The following ZNF700 variants were observed in gnomAD, a reference collection of about 807,000 sequenced individuals.
ZNF700 encodes the protein zinc finger protein 700.
Under a neutral mutation model 65.3 loss-of-function variants are expected in ZNF700, and 38 were observed. That is an observed-to-expected ratio of 0.58 (90% confidence interval 0.45 to 0.76). The LOEUF (loss-of-function observed/expected upper bound fraction) is 0.76, where lower values mean the gene tolerates loss of function less well. ZNF700 is among the 30% of genes least tolerant of loss of function. ZNF700 has a pLI of 0.00. For missense variants in ZNF700, 857 were observed against 888.4 expected (o/e 0.96, Z 0.45); for synonymous variants, 285 against 290.4 (o/e 0.98, Z 0.19).
rs1376876808 is a variant in ZNF700 at position 11,948,916 on chromosome 19, A to G, written c.892A>G (p.Arg298Gly). Residue 298 changes from arginine to glycine, a missense_variant, in exon 4 of 4, where the codon AGA becomes GGA. Arg to Gly is a moderately radical substitution (Grantham distance 125). This residue lies in a region of ZNF700 where 603 missense variants were observed against 619.9 expected (regional missense o/e 0.97). Coordinates refer to ENST00000254321, the MANE Select transcript of ZNF700 (RefSeq NM_144566.3). ...TTCTAGTTCCTATCATAGACATGAAAGAAGTCACATGGGAGAGAAGCCTTA... is the reference window on the plus strand; with the variant it reads ...TTCTAGTTCCTATCATAGACATGAAGGAAGTCACATGGGAGAGAAGCCTTA... Reference protein sequence around the residue: ...HSSSSYHRHERSHMGEKPYQC... With the variant: ...HSSSSYHRHEGSHMGEKPYQC... The G allele has an allele frequency of 8.7e-6, 14 of 1,606,868 alleles. No individual in the cohort carries two copies. In the East Asian group the frequency reaches 2.9e-4, roughly 33 times the overall value.
intron 1 of ZNF700, among the ~76,000 whole-genome samples, chr19:11,934,294 T>G (rs1298303865): frequency 6.8e-6 from 1 of 147,888 alleles, no homozygotes; most frequent in Non-Finnish European, 1.5e-5. Context: ...TTCAGTTCAT[T>G]TGGGTCAATA....
chr19:11,931,695 C>T (rs1278519506), intron 1 of ZNF700, among the ~76,000 whole-genome samples: 1 of 147,848 alleles, frequency 6.8e-6, no homozygotes, highest in Non-Finnish European at 1.5e-5. Context: ...TACTTAATCT[C>T]CTTTTAAGGA....
Position 11,929,698 on chromosome 19 carries a change from G to A in ZNF700, c.63+4425G>A, listed in dbSNP as rs567309355. 1.2e-4 allele frequency among the ~76,000 whole-genome samples: 18 copies of A among 147,906 alleles called. 3 individuals carry two copies. Among genetic ancestry groups the A allele is most frequent in the African/African-American group, 4.8e-4 (18 of 37,696 alleles). On this transcript the variant is annotated intron_variant, in intron 1 of 3. Transcript: ENST00000254321. ...TTTTCCACACTTTCCAGGGCAACTGGTTCCCCCTTATATTTTCCAAATATA... is the reference window on the plus strand; with the variant it reads ...TTTTCCACACTTTCCAGGGCAACTGATTCCCCCTTATATTTTCCAAATATA...
At position 11,940,492 on chromosome 19, in the gene ZNF700, G is replaced by A. The variant is rs540533913; in HGVS notation, c.64-6689G>A. On this transcript the variant is annotated intron_variant, in intron 1 of 3. Coordinates refer to ENST00000254321, the MANE Select transcript of ZNF700 (RefSeq NM_144566.3). ...GAGTGTTAACAGCTCTTAAGGCAGC[G>A]CGTCTGGAGTTCTTCGTTCCTCCTG... 9.9e-5 allele frequency among the ~76,000 whole-genome samples: 15 copies of A among 152,216 alleles called. No individual in the cohort carries two copies. In the South Asian group the frequency reaches 2.7e-3, roughly 27 times the overall value.
At chr19:11,946,550 T>C (rs901577644) in intron 1 of ZNF700, among the ~76,000 whole-genome samples, 1 of 151,954 alleles carries the variant, frequency 6.6e-6, no homozygotes, top group Non-Finnish European at 1.5e-5. Context: ...TGTAACTAAG[T>C]GTCTGTGTAC....
intron 1 of ZNF700, among the ~76,000 whole-genome samples, chr19:11,941,663 C>T (rs1194726664): frequency 2.6e-5 from 4 of 152,318 alleles, no homozygotes; most frequent in Middle Eastern, 3.4e-3. Flanking sequence ...CCCCAGTTCC[C>T]GCTCGCGCCT....
At chr19:11,928,829 C>T (rs543224436) in intron 1 of ZNF700, among the ~76,000 whole-genome samples, 1 of 147,410 alleles carries the variant, frequency 6.8e-6, no homozygotes, top group South Asian at 2.1e-4. Flanking sequence ...CCTGTAACCC[C>T]AGCACTGTGG....
Position 11,925,250 on chromosome 19 carries a change from G to A in ZNF700, c.40G>A (p.Gly14Ser), listed in dbSNP as rs746459603. 5.0e-6 allele frequency: 8 copies of A among 1,612,874 alleles called. No individual in the cohort carries two copies. Among genetic ancestry groups the A allele is most frequent in the Non-Finnish European group, 6.8e-6 (8 of 1,179,314 alleles). ...TCACAGGAGCTGTAGAGAGGACCCC[G>A]GTACATCTGAAAGCCGGGAAATGGT... ...CSHRSCREDPGTSESREMDPV... is the reference protein window; with the variant it reads ...CSHRSCREDPSTSESREMDPV... Residue 14 changes from glycine to serine, a missense_variant, in exon 1 of 4, where the codon GGT becomes AGT. By Grantham distance (56) the Gly-to-Ser change is moderately conservative (BLOSUM62 0). Transcript: ENST00000254321.
intron 1 of ZNF700, among the ~76,000 whole-genome samples, chr19:11,927,808 G>A (rs954519998): frequency 3.9e-5 from 6 of 152,140 alleles, no homozygotes; most frequent in African/African-American, 1.4e-4. Flanking sequence ...TTTTCTTCAT[G>A]GGAAACATTT....
In ZNF700 at chr19:11,949,027, G is replaced by C; in HGVS notation, c.1003G>C (p.Glu335Gln). Reference protein sequence around the residue: ...ERTHSGKKPYECKQYGEGLSY... With the variant: ...ERTHSGKKPYQCKQYGEGLSY... Reference sequence around the variant, plus strand: ...GACCCACTCTGGGAAAAAACCGTATGAATGTAAGCAATATGGGGAAGGCTT... The same window carrying C: ...GACCCACTCTGGGAAAAAACCGTATCAATGTAAGCAATATGGGGAAGGCTT... Residue 335 changes from glutamate (E) to glutamine (Q), a missense_variant, in exon 4 of 4, where the codon GAA becomes CAA. Around this residue, in one of 3 missense-constraint regions of ZNF700, gnomAD observed 603 missense variants for 619.9 expected, o/e 0.97. Transcript: ENST00000254321. The C allele has an allele frequency of 1.9e-6, 3 of 1,607,012 alleles. No individual in the cohort carries two copies. Among genetic ancestry groups the C allele is most frequent in the Non-Finnish European group, 2.5e-6 (3 of 1,178,578 alleles).
In ZNF700 at chr19:11,949,648, G is replaced by A. The variant is rs775463827; in HGVS notation, c.1624G>A (p.Gly542Ser). Residue 542 changes from glycine (G) to serine (S), a missense_variant, in exon 4 of 4, where the codon GGT (glycine) becomes AGT (serine). Physicochemically the swap from Gly to Ser is moderately conservative, Grantham distance 56 (BLOSUM62 0). This residue lies in a region of ZNF700 where 251 missense variants were observed against 250.3 expected (regional missense o/e 1.00). Coordinates refer to ENST00000254321, the MANE Select transcript of ZNF700 (RefSeq NM_144566.3). Reference sequence around the variant, plus strand: ...GAAACCCTATGAATGCAACCAATGTGGTAAAGCCTTCAGATGTTGCAATTC... The same window carrying A: ...GAAACCCTATGAATGCAACCAATGTAGTAAAGCCTTCAGATGTTGCAATTC... ...GEKPYECNQC[G>S]KAFRCCNSLR... 5.6e-6 allele frequency: 9 copies of A among 1,613,688 alleles called. No individual in the cohort carries two copies. In the Admixed American group the frequency reaches 1.2e-4, roughly 21 times the overall value.
chr19:11,925,977 G>A (rs1192547785), intron 1 of ZNF700, among the ~76,000 whole-genome samples: 4 of 152,176 alleles, frequency 2.6e-5, no homozygotes, highest in Admixed American at 2.0e-4. Context: ...GGCAGAAAGG[G>A]TGGGACCTGT....
intron 1 of ZNF700, among the ~76,000 whole-genome samples, chr19:11,937,066 T>C (rs1256665888): frequency 1.3e-5 from 2 of 152,220 alleles, no homozygotes; most frequent in Non-Finnish European, 2.9e-5. Flanking sequence ...TTGGTCCCAG[T>C]ACTGACAGTT....
At position 11,950,500 on chromosome 19, in the gene ZNF700, A is replaced by G. The variant is rs1197177264; in HGVS notation, c.*247A>G. 9.2e-6 allele frequency: 6 copies of G among 652,378 alleles called. No homozygotes were observed. The highest frequency in any genetic ancestry group is 1.8e-5 in the African/African-American group (1 of 55,254). 40.4% of individuals were successfully genotyped at this position (652,378 alleles called of 1,614,324 possible). ...GTGTATTCTAGTTCCGTTTGATATC[A>G]TGAAAGGACTTACACTGGAGTGAAA... is the stretch of plus-strand genomic sequence containing the variant. On this transcript the variant is annotated 3_prime_UTR_variant, in exon 4 of 4. Transcript: ENST00000254321.
At chr19:11,940,334 G>T (rs1027735866) in intron 1 of ZNF700, among the ~76,000 whole-genome samples, 2 of 152,200 alleles carry the variant, frequency 1.3e-5, no homozygotes, top group Non-Finnish European at 2.9e-5. Context: ...GACCCTTGCG[G>T]TGAGTGTTAC....
chr19:11,950,528 C>T lies in ZNF700; in HGVS notation c.*275C>T, dbSNP rs1450974924. The T allele has an allele frequency of 1.6e-6, 1 of 618,032 alleles. No individual in the cohort carries two copies. The highest frequency in any genetic ancestry group is 3.3e-5 in the East Asian group (1 of 30,312). The allele number at this position is 618,032 out of a possible 1,614,324, so 38.3% of individuals were successfully genotyped here. A position where few individuals can be genotyped will look rare whatever the true frequency, so the allele number is the denominator to read the frequency against. ...AAAGGACTTACACTGGAGTGAAACC[C>T]TATGAATGTAAGCAATGTGGGAAAG... is the stretch of plus-strand genomic sequence containing the variant. On this transcript the variant is annotated 3_prime_UTR_variant, in exon 4 of 4. Transcript: ENST00000254321.
chr19:11,948,379 G>T lies in ZNF700; in HGVS notation c.355G>T (p.Ala119Ser), dbSNP rs754201939. 1.2e-6 allele frequency: 2 copies of T among 1,613,988 alleles called. No individual in the cohort carries two copies. Among genetic ancestry groups the T allele is most frequent in the South Asian group, 1.1e-5 (1 of 91,076 alleles). The change falls in exon 4 of 4, where the codon GCT becomes TCT. Residue 119 changes from alanine to serine, a missense_variant. Transcript: ENST00000254321. ...CAGACTGAACTTCCAGGAGAAGAAA[G>T]CTTCTCCTGAAGTAAAATCATGTGA... is the stretch of plus-strand genomic sequence containing the variant. ...DDRLNFQEKK[A>S]SPEVKSCDSF...
chr19:11,931,013 A>C (rs1314440877), intron 1 of ZNF700, among the ~76,000 whole-genome samples: 1 of 147,290 alleles, frequency 6.8e-6, no homozygotes, highest in Non-Finnish European at 1.5e-5. Flanking sequence ...AAAAAAAAAA[A>C]CAACATAGAT....
intron 1 of ZNF700, among the ~76,000 whole-genome samples, chr19:11,929,792 T>A (rs992043613): frequency 1.4e-5 from 2 of 148,112 alleles, no homozygotes; most frequent in Non-Finnish European, 2.9e-5. Flanking sequence ...TGCAGTGAAA[T>A]CTGTTTCTGA....
Sources: gnomAD v4.1 joint callset for allele counts (sites outside exome capture counted in the v4.1 genomes callset) on GRCh38, gnomAD v4.1.1 for gene constraint, gnomAD v4.1.1 regional missense constraint, MANE v1.5 for transcripts, NCBI Gene and HGNC (gene_info 2026-07-23, HGNC 2026-07-21) for gene names.